The following PNPO variants were observed in gnomAD, a reference collection of about 807,000 sequenced individuals.
The protein encoded by PNPO is pyridoxamine 5'-phosphate oxidase, also known as pyridoxine-5'-phosphate oxidase.
A neutral mutation model predicts 35.0 loss-of-function variants in PNPO; 39 were observed. The ratio of observed to expected loss-of-function variants is 1.11; its 90% CI spans 0.86 to 1.45. The LOEUF (loss-of-function observed/expected upper bound fraction) is 1.45. Among genes scored for constraint, PNPO ranks in the 40% most tolerant of loss-of-function variants. The pLI is 0.00. For synonymous variants in PNPO, 115 were observed against 119.8 expected (o/e 0.96, Z 0.26); for missense variants, 288 against 340.0 (o/e 0.85, Z 1.20).
rs2036018891 is a variant in PNPO at position 47,946,905 on chromosome 17, C to G, written c.*123C>G. 3.6e-6 allele frequency: 3 copies of G among 824,294 alleles called. No homozygotes were observed. Among genetic ancestry groups the G allele is most frequent in the Non-Finnish European group, 5.9e-6 (3 of 504,700 alleles). The allele number at this position is 824,294 out of a possible 1,614,324, so 51.1% of individuals were successfully genotyped here. On this transcript the variant is annotated 3_prime_UTR_variant, in exon 7 of 7. Coordinates refer to ENST00000642017, the MANE Select transcript of PNPO (RefSeq NM_018129.4). ...CCCTCCCTACCCCTTATCTTCAGGA[C>G]TCTTCAGAGCTAATCCTCTAAGTTC... is the stretch of plus-strand genomic sequence containing the variant.
chr17:47,941,590 G>T lies in PNPO; in HGVS notation c.-86G>T. 1 of 1,431,262 alleles carries T rather than the reference G, an allele frequency of 7.0e-7. No homozygotes were observed. The highest frequency in any genetic ancestry group is 2.6e-5 in the East Asian group (1 of 38,456). The allele number at this position is 1,431,262 out of a possible 1,614,324, so 88.7% of individuals were successfully genotyped here. A position where few individuals can be genotyped will look rare whatever the true frequency, so the allele number is the denominator to read the frequency against. Reference sequence around the variant, plus strand: ...ACTGGCAAATCCTTCCTTCCCCGGGGTAGAAGTCCAGGGTGAGAAATTGGT... The same window carrying T: ...ACTGGCAAATCCTTCCTTCCCCGGGTTAGAAGTCCAGGGTGAGAAATTGGT... On this transcript the variant is annotated 5_prime_UTR_variant, in exon 1 of 7. Coordinates refer to ENST00000642017, the MANE Select transcript of PNPO (RefSeq NM_018129.4).
In PNPO at chr17:47,946,701, C is replaced by T; in HGVS notation, c.705C>T (p.Gly235=). The T allele has an allele frequency of 6.2e-7, 1 of 1,614,120 alleles. No homozygotes were observed. Among genetic ancestry groups the T allele is most frequent in the Non-Finnish European group, 8.5e-7 (1 of 1,179,964 alleles). Residue 235 remains glycine, a synonymous_variant, in exon 7 of 7, where the codon GGC becomes GGT. Transcript: ENST00000642017. Reference sequence around the variant, plus strand: ...ATGACCGGATAGTCTTTCGGCGGGGCCTACCCACAGGAGATTCCCCTTTGG... The same window carrying T: ...ATGACCGGATAGTCTTTCGGCGGGGTCTACCCACAGGAGATTCCCCTTTGG... ...RLHDRIVFRR[G]LPTGDSPLGP... is the part of the protein sequence containing the mutation.
intron 3 of PNPO, 35 bp downstream of exon 3, chr17:47,944,750 C>T (rs1325431687): frequency 1.3e-6 from 2 of 1,551,130 alleles, no homozygotes. Context: ...TTCCCAGGGC[C>T]TGCAGGGTTT....
rs1383025990 is a variant in PNPO, at chr17:47,946,972, G to A, written c.*190G>A. 1.7e-6 allele frequency: 1 copy of A among 605,520 alleles called. No individual in the cohort carries two copies. The highest frequency in any genetic ancestry group is 2.0e-5 in the South Asian group (1 of 50,830). 37.5% of individuals were successfully genotyped at this position (605,520 alleles called of 1,614,324 possible). A position where few individuals can be genotyped will look rare whatever the true frequency, so the allele number is the denominator to read the frequency against. On this transcript the variant is annotated 3_prime_UTR_variant, in exon 7 of 7. Transcript: ENST00000642017. ...TCTCAGTTAGCTGGTCAAGTGGAGTGTAATGGTGGCGTAGAGAATCACAAA... is the reference window on the plus strand; with the variant it reads ...TCTCAGTTAGCTGGTCAAGTGGAGTATAATGGTGGCGTAGAGAATCACAAA...
In PNPO at chr17:47,947,134, G is replaced by A; in HGVS notation, c.*352G>A. Reference sequence around the variant, plus strand: ...AGCAGCCCTGTCTGTTACCATGTGAGTCATACTGGCCAAAGCTTAGTCCTA... The same window carrying A: ...AGCAGCCCTGTCTGTTACCATGTGAATCATACTGGCCAAAGCTTAGTCCTA... On this transcript the variant is annotated 3_prime_UTR_variant, in exon 7 of 7. Transcript: ENST00000642017. 1 of 305,936 alleles carries A rather than the reference G, an allele frequency of 3.3e-6. No individual in the cohort carries two copies. The highest frequency in any genetic ancestry group is 3.3e-5 in the South Asian group (1 of 29,942). 19.0% of individuals were successfully genotyped at this position (305,936 alleles called of 1,614,324 possible). A position where few individuals can be genotyped will look rare whatever the true frequency, so the allele number is the denominator to read the frequency against.
chr17:47,946,741 C>G lies in PNPO; in HGVS notation c.745C>G (p.Arg249Gly). ...GDSPLGPMTH[R>G]GEEDWLYERL... The stretch of plus-strand genomic sequence containing the variant: ...TTCCCCTTTGGGGCCCATGACCCAC[C>G]GCGGGGAGGAAGACTGGCTCTATGA... The change falls in exon 7 of 7, where the codon CGC becomes GGC. Residue 249 changes from arginine to glycine, a missense_variant. Transcript: ENST00000642017. The G allele has an allele frequency of 1.2e-6, 2 of 1,614,178 alleles. No homozygotes were observed. The highest frequency in any genetic ancestry group is 1.6e-4 in the Middle Eastern group (1 of 6,062).
Position 47,945,700 on chromosome 17 carries a change from G to T in PNPO, c.417+88G>T. 2.1e-6 allele frequency: 3 copies of T among 1,445,016 alleles called. No individual in the cohort carries two copies. In the South Asian group the frequency reaches 3.4e-5, roughly 17 times the overall value. The allele number at this position is 1,445,016 out of a possible 1,614,324, so 89.5% of individuals were successfully genotyped here. On this transcript the variant is annotated intron_variant, in intron 4 of 6. Transcript: ENST00000642017. The surrounding 1 kb of genome is among the most constrained non-coding windows in gnomAD (Gnocchi z 4.0). ...TACGTCTAGCGAAGGTCCCCAGACT[G>T]GGCAAACATCCCAGCTGGGCACTCT...
In PNPO at chr17:47,941,764, C is replaced by G; in HGVS notation, c.89C>G (p.Ala30Gly). 1 of 1,564,774 alleles carries G rather than the reference C, an allele frequency of 6.4e-7. No homozygotes were observed. The highest frequency in any genetic ancestry group is 1.4e-5 in the African/African-American group (1 of 73,844). Residue 30 changes from alanine (A) to glycine (G), a missense_variant, in exon 1 of 7, where the codon GCT (alanine) becomes GGT (glycine). By Grantham distance (60) the Ala-to-Gly change is moderately conservative. Transcript: ENST00000642017. The stretch of plus-strand genomic sequence containing the variant: ...CTCAGTCACCTGTGTGGTCGCAGTG[C>G]TGCCATGGACCTGGGACCCATGCGC... ...GYLSHLCGRSAAMDLGPMRKS... is the reference protein window; with the variant it reads ...GYLSHLCGRSGAMDLGPMRKS...
At position 47,945,534 on chromosome 17, in the gene PNPO, G is replaced by T; in HGVS notation, c.364-25G>T. 1.2e-6 allele frequency: 2 copies of T among 1,604,882 alleles called. No homozygotes were observed. The highest frequency in any genetic ancestry group is 1.7e-6 in the Non-Finnish European group (2 of 1,171,582). On this transcript the variant is annotated intron_variant, in intron 3 of 6. Transcript: ENST00000642017. This position sits in a 1 kb window ranked among gnomAD's most constrained non-coding sequence, Gnocchi z 4.0. ...CCTCCTCTCCCTGTCCTGATGGCTG[G>T]CTGTGGATTCTCTTTTACTTCTAGG...
chr17:47,944,314 C>T (rs2035981625), intron 2 of PNPO, among the ~76,000 whole-genome samples: 1 of 151,840 alleles, frequency 6.6e-6, no homozygotes, highest in Non-Finnish European at 1.5e-5. Context: ...AGGGCCCCAC[C>T]CCTATGACCT....
rs562657120 is a variant in PNPO at position 47,943,176 on chromosome 17, A to T, written c.139-130A>T. On this transcript the variant is annotated intron_variant, in intron 1 of 6. Transcript: ENST00000642017. ...GGGGCACAGAATCTTCTTACTGCAT[A>T]CTATTTCTTATTTTAAGGTCATTGT... is the stretch of plus-strand genomic sequence containing the variant. 210 of 700,502 alleles carry T rather than the reference A, an allele frequency of 3.0e-4. No homozygotes were observed. The African/African-American group carries it at 3.1e-3, about 10-fold the overall frequency. The allele number at this position is 700,502 out of a possible 1,614,324, so 43.4% of individuals were successfully genotyped here. A position where few individuals can be genotyped will look rare whatever the true frequency, so the allele number is the denominator to read the frequency against.
At position 47,947,946 on chromosome 17, in the gene PNPO, T is replaced by C. The variant is rs963979694; in HGVS notation, c.*1164T>C. ...CATGAGCCACCACGCTTGGCCGGGA[T>C]AGTATATTTTTATAGCACTTCCCCT... On this transcript the variant is annotated 3_prime_UTR_variant, in exon 7 of 7. Transcript: ENST00000642017. The C allele has an allele frequency of 6.6e-6, 1 of 152,180 alleles. No homozygotes were observed. The highest frequency in any genetic ancestry group is 1.5e-5 in the Non-Finnish European group (1 of 68,044). 9.4% of individuals were successfully genotyped at this position (152,180 alleles called of 1,614,324 possible).
At chr17:47,942,011 C>T (rs1205560996) in intron 1 of PNPO, 198 bp downstream of exon 1, 9 of 1,321,628 alleles carry the variant, frequency 6.8e-6, no homozygotes, top group Non-Finnish European at 8.7e-6. Flanking sequence ...TCCGGGGAAA[C>T]GCAAATGAAG....
chr17:47,945,933 A>G lies in PNPO; in HGVS notation c.490A>G (p.Ser164Gly). ...GTGCTACTTCCACTCCCGCCCCAAG[A>G]GCAGCCAGATTGGGGCTGTGGTCAG... ...AECYFHSRPK[S>G]SQIGAVVSHQ... is the part of the protein sequence containing the mutation. The change falls in exon 5 of 7, where the codon AGC becomes GGC. Residue 164 changes from serine to glycine, a missense_variant. Physicochemically the swap from Ser to Gly is moderately conservative, Grantham distance 56. Transcript: ENST00000642017. The surrounding 1 kb of genome is among the most constrained non-coding windows in gnomAD (Gnocchi z 4.0). The G allele has an allele frequency of 6.2e-7, 1 of 1,614,000 alleles. No individual in the cohort carries two copies. The highest frequency in any genetic ancestry group is 1.1e-5 in the South Asian group (1 of 91,082).
At position 47,945,239 on chromosome 17, in the gene PNPO, A is replaced by C. The variant is rs2035992605; in HGVS notation, c.364-320A>C. On this transcript the variant is annotated intron_variant, in intron 3 of 6. Transcript: ENST00000642017. This position sits in a 1 kb window ranked among gnomAD's most constrained non-coding sequence, Gnocchi z 4.0. ...TCAATGAATGAATCCAAAATGAGTAAACCTCCCTGAGTCCATGCCAGCCAA... is the reference window on the plus strand; with the variant it reads ...TCAATGAATGAATCCAAAATGAGTACACCTCCCTGAGTCCATGCCAGCCAA... The C allele has an allele frequency of 2.4e-6, 1 of 419,196 alleles. No homozygotes were observed. The highest frequency in any genetic ancestry group is 2.0e-5 in the African/African-American group (1 of 49,092). 26.0% of individuals were successfully genotyped at this position (419,196 alleles called of 1,614,324 possible).
intron 5 of PNPO, 104 bp from the exon 6 acceptor site, chr17:47,946,219 G>C: frequency 9.4e-7 from 1 of 1,064,864 alleles, no homozygotes; most frequent in Non-Finnish European, 1.5e-6. Context: ...ACAGAGGCCA[G>C]TCTGCTCTGC....
chr17:47,946,475 A>C, intron 6 of PNPO, 82 bp downstream of exon 6: 1 of 1,390,144 alleles, frequency 7.2e-7, no homozygotes, highest in Admixed American at 1.7e-5. Context: ...GGAATCACAG[A>C]TCTCCTCCTC....
rs1260770129 is a variant in PNPO at position 47,946,742 on chromosome 17, G to A, written c.746G>A (p.Arg249His). 8 of 1,614,174 alleles carry A rather than the reference G, an allele frequency of 5.0e-6. No individual in the cohort carries two copies. Among genetic ancestry groups the A allele is most frequent in the Non-Finnish European group, 5.1e-6 (6 of 1,180,012 alleles). The change falls in exon 7 of 7, where the codon CGC (arginine) becomes CAC (histidine). Residue 249 changes from arginine (R) to histidine (H), a missense_variant. By Grantham distance (29) the Arg-to-His change is conservative. Coordinates refer to ENST00000642017, the MANE Select transcript of PNPO (RefSeq NM_018129.4). The stretch of plus-strand genomic sequence containing the variant: ...TCCCCTTTGGGGCCCATGACCCACC[G>A]CGGGGAGGAAGACTGGCTCTATGAG... ...GDSPLGPMTHRGEEDWLYERL... is the reference protein window; with the variant it reads ...GDSPLGPMTHHGEEDWLYERL...
intron 1 of PNPO, 50 bp from the exon 2 acceptor site, chr17:47,943,256 A>C (rs1433848790): frequency 6.7e-7 from 1 of 1,484,316 alleles, no homozygotes. Context: ...TGCCAGGTCC[A>C]TAGTAAGCAC....
Sources: allele counts gnomAD v4.1 joint callset (sites outside exome capture counted in the v4.1 genomes callset), GRCh38; gene constraint gnomAD v4.1.1; non-coding constraint Gnocchi (gnomAD v3.1); transcripts MANE v1.5; gene names NCBI Gene and HGNC (gene_info 2026-07-23, HGNC 2026-07-21).